RPH3AL: variants seen among roughly 807,000 people sequenced by gnomAD.
RPH3AL encodes the protein rabphilin 3A like (without C2 domains).
RPH3AL carries 38 observed loss-of-function variants against 43.1 expected under a neutral mutation model. The observed-to-expected ratio is 0.88, with a 90% CI of 0.68 to 1.15. RPH3AL has a LOEUF of 1.15. Among genes scored for constraint, RPH3AL ranks in the 50% most tolerant of loss-of-function variants. The pLI is 0.00. For synonymous variants in RPH3AL, 189 were observed against 176.3 expected, an observed-to-expected ratio of 1.07 and a Z score of -0.57; for missense variants, 462 against 423.2, an observed-to-expected ratio of 1.09 and a Z score of -0.81.
intron 1 of RPH3AL, chr17:338,926 C>T: frequency 6.5e-6 from 1 of 152,718 alleles, no homozygotes; most frequent in Non-Finnish European, 1.5e-5. Flanking sequence ...CCCCGGGGGG[C>T]AGCGTCCCAC....
chr17:242,555 T>C (rs879271886), intron 7 of RPH3AL, among the ~76,000 whole-genome samples: 422 of 30,580 alleles, frequency 0.014, 4 homozygotes, highest in Middle Eastern at 0.038. Flanking sequence ...CCTCTATTGA[T>C]TACCTTCCTC....
chr17:260,135 C>T (rs1486713132), intron 6 of RPH3AL, among the ~76,000 whole-genome samples: 2 of 152,220 alleles, frequency 1.3e-5, no homozygotes, highest in Non-Finnish European at 2.9e-5. Context: ...CCCAACCCCA[C>T]GAGTCACAGC....
At chr17:263,771 T>G (rs2042254832) in intron 6 of RPH3AL, among the ~76,000 whole-genome samples, 1 of 152,186 alleles carries the variant, frequency 6.6e-6, no homozygotes, top group South Asian at 2.1e-4. Flanking sequence ...CTTTGTGAAG[T>G]TACGGTTAGT....
intron 7 of RPH3AL, among the ~76,000 whole-genome samples, chr17:228,707 T>C (rs1411105286): frequency 6.6e-6 from 1 of 152,138 alleles, no homozygotes; most frequent in Non-Finnish European, 1.5e-5. Flanking sequence ...ACACCCCGCT[T>C]TTCCACCTCA....
At chr17:263,204 C>T (rs1327682300) in intron 6 of RPH3AL, among the ~76,000 whole-genome samples, 6 of 152,082 alleles carry the variant, frequency 3.9e-5, no homozygotes, top group African/African-American at 9.7e-5. Context: ...CCTCCATATC[C>T]ACAGCTCACA....
intron 7 of RPH3AL, among the ~76,000 whole-genome samples, chr17:230,920 C>A (rs11150891): frequency 2.6e-5 from 4 of 152,084 alleles, no homozygotes; most frequent in Non-Finnish European, 4.4e-5. Flanking sequence ...TCCTGGGCTC[C>A]AGGGATCCAC....
At position 219,535 on chromosome 17, in the gene RPH3AL, T is replaced by TTTTTTTG. The variant is rs1363324035; in HGVS notation, c.727+87_727+88insCAAAAAA. 4 of 261,948 alleles carry TTTTTTTG rather than the reference T, an allele frequency of 1.5e-5. 1 individual carries two copies. Among genetic ancestry groups the TTTTTTTG allele is most frequent in the Non-Finnish European group, 1.5e-5 (2 of 137,906 alleles). 16.2% of individuals were successfully genotyped at this position (261,948 alleles called of 1,614,324 possible). The stretch of plus-strand genomic sequence containing the variant: ...TCTTTTCTTTTTCTTCCTTTTTTTT[T>TTTTTTTG]TTTTTTTGAGATGGAGTTTCGCTCC... On this transcript the variant is annotated intron_variant, in intron 8 of 9. Transcript: ENST00000331302.
rs114427950 is a variant in RPH3AL, at chr17:215,613, C to T, written c.876+41G>A. ...GAGTGAGTGAGAGAGGACACGGCCG[C>T]GGGGGCAGGAGAGGGGAGAAGGCAG... On this transcript the variant is annotated intron_variant, in intron 9 of 9. Transcript: ENST00000331302. The surrounding 1 kb of genome is among the most constrained non-coding windows in gnomAD (Gnocchi z 4.1). 0.033 allele frequency: 41,568 copies of T among 1,255,940 alleles called. 789 individuals carry two copies. Among genetic ancestry groups the T allele is most frequent in the Middle Eastern group, 0.06 (196 of 3,256 alleles). 77.8% of individuals were successfully genotyped at this position (1,255,940 alleles called of 1,614,324 possible).
intron 6 of RPH3AL, among the ~76,000 whole-genome samples, chr17:269,003 C>T (rs935573501): frequency 1.1e-4 from 17 of 152,098 alleles, no homozygotes; most frequent in South Asian, 2.1e-4. Context: ...CTCAGCCTCC[C>T]GAGTAGCTGG....
In RPH3AL at chr17:212,688, T is replaced by A. The variant is rs989680895; in HGVS notation, c.*1164A>T. 6.8e-6 allele frequency: 1 copy of A among 147,556 alleles called. No individual in the cohort carries two copies. Among genetic ancestry groups the A allele is most frequent in the Non-Finnish European group, 1.5e-5 (1 of 66,714 alleles). The allele number at this position is 147,556 out of a possible 1,614,324, so 9.1% of individuals were successfully genotyped here. On this transcript the variant is annotated 3_prime_UTR_variant, in exon 10 of 10. Transcript: ENST00000331302. ...GCAGGAGGCAGGAAGGATGGGAGGG[T>A]GTGATCACCGACACACACACACACG...
intron 5 of RPH3AL, among the ~76,000 whole-genome samples, chr17:314,582 T>A (rs1264837813): frequency 6.6e-5 from 8 of 120,534 alleles, no homozygotes; most frequent in African/African-American, 1.8e-4. Context: ...TGACAGGCAG[T>A]CTCTGTGCTC....
At chr17:280,276 A>G (rs1392480723) in intron 6 of RPH3AL, among the ~76,000 whole-genome samples, 2 of 152,160 alleles carry the variant, frequency 1.3e-5, no homozygotes, top group African/African-American at 4.8e-5. Flanking sequence ...CAGAGTCACT[A>G]AAATCAGGCT....
In RPH3AL at chr17:263,617, C is replaced by T. The variant is rs559597802; in HGVS notation, c.439-16332G>A. ...TTGGATGCTGATATTATTAAATCCTCGGTCTGCACGGTAGGTCGACTCGTG... is the reference window on the plus strand; with the variant it reads ...TTGGATGCTGATATTATTAAATCCTTGGTCTGCACGGTAGGTCGACTCGTG... On this transcript the variant is annotated intron_variant, in intron 6 of 9. Transcript: ENST00000331302. Among the ~76,000 whole-genome samples the T allele has an allele frequency of 3.9e-5, 6 of 152,340 alleles. No individual in the cohort carries two copies. The South Asian group carries it at 8.3e-4, about 21-fold the overall frequency.
intron 3 of RPH3AL, chr17:321,626 G>A (rs1277289488): frequency 3.8e-6 from 2 of 528,198 alleles, no homozygotes; most frequent in Non-Finnish European, 6.5e-6. Flanking sequence ...AACAGAGACG[G>A]CCCAGGTTCC....
intron 5 of RPH3AL, among the ~76,000 whole-genome samples, chr17:314,705 C>A (rs2043838688): frequency 1.4e-5 from 2 of 144,904 alleles, no homozygotes; most frequent in African/African-American, 5.0e-5. Context: ...GACCTGTAGT[C>A]TCTGTGCTCC....
intron 7 of RPH3AL, among the ~76,000 whole-genome samples, chr17:243,920 CCT>C (rs2041667862): frequency 6.9e-6 from 1 of 144,234 alleles, no homozygotes; most frequent in Non-Finnish European, 1.5e-5. Flanking sequence ...CTATTGATTA[CCT>C]TCCTCTACTG....
intron 5 of RPH3AL, among the ~76,000 whole-genome samples, chr17:315,347 T>A (rs1438048515): frequency 1.3e-5 from 2 of 151,270 alleles, no homozygotes; most frequent in East Asian, 1.9e-4. Context: ...GTAGTCCCTG[T>A]GACTCCACTT....
chr17:318,403 C>T (rs539567688), intron 5 of RPH3AL, among the ~76,000 whole-genome samples: 3 of 152,202 alleles, frequency 2.0e-5, no homozygotes, highest in South Asian at 2.1e-4. Context: ...AAAAGCATGA[C>T]TAGCACATGG....
intron 3 of RPH3AL, among the ~76,000 whole-genome samples, chr17:324,702 G>GCTAGCTAGCTAGCTATCTATCTATCTAT (rs1301592247): frequency 6.1e-4 from 73 of 119,916 alleles, no homozygotes; most frequent in African/African-American, 1.9e-3. Flanking sequence ...TAGCTAGCTA[G>GCTAGCTAGCTAGCTATCTATCTATCTAT]CTATGTACCT....
Sources: allele counts gnomAD v4.1 joint callset (sites outside exome capture counted in the v4.1 genomes callset), GRCh38; gene constraint gnomAD v4.1.1; non-coding constraint Gnocchi (gnomAD v3.1); transcripts MANE v1.5; gene names NCBI Gene and HGNC (gene_info 2026-07-23, HGNC 2026-07-21).